Variants in CCDC88C observed in about 807,000 individuals in gnomAD.
The protein encoded by CCDC88C is coiled-coil and HOOK domain protein 88C.
In CCDC88C, 131 loss-of-function variants were observed where a neutral mutation model predicts 198.8. That is an observed-to-expected ratio of 0.66 (90% confidence interval 0.57 to 0.76). CCDC88C has a LOEUF of 0.76. Among genes scored for constraint, CCDC88C ranks in the 30% least tolerant of loss-of-function variants. The pLI is 0.00. For missense variants in CCDC88C, 2,553 were observed against 2,631.6 expected, an observed-to-expected ratio of 0.97 and a Z score of 0.65; for synonymous variants, 1,166 against 1,114.7, an observed-to-expected ratio of 1.05 and a Z score of -0.92.
intron 20 of CCDC88C, among the ~76,000 whole-genome samples, chr14:91,303,362 G>A (rs1315165910): frequency 7.6e-6 from 1 of 131,002 alleles, no homozygotes; most frequent in Non-Finnish European, 1.6e-5. Context: ...CGAGGCCCCC[G>A]CCTCTCGTCC....
At chr14:91,388,438 G>A (rs1221418914) in intron 3 of CCDC88C, among the ~76,000 whole-genome samples, 1 of 152,142 alleles carries the variant, frequency 6.6e-6, no homozygotes, top group African/African-American at 2.4e-5. Flanking sequence ...GGTGCTCAAG[G>A]CCCAGGCAGG....
rs773478886 is a variant in CCDC88C, at chr14:91,273,380, A to G, written c.5332T>C (p.Ser1778Pro). The G allele has an allele frequency of 2.6e-6, 4 of 1,533,164 alleles. No homozygotes were observed. The South Asian group carries it at 5.0e-5, about 19-fold the overall frequency. 95.0% of individuals were successfully genotyped at this position (1,533,164 alleles called of 1,614,324 possible). Reference protein sequence around the residue: ...PRQAQPPQSLSLGRPRQAPVP... With the variant: ...PRQAQPPQSLPLGRPRQAPVP... ...GGAGCCTGCCGGGGTCTGCCCAGAG[A>G]CAGGCTCTGGGGAGGCTGGGCCTGT... is the stretch of plus-strand genomic sequence containing the variant. Residue 1778 changes from serine (S) to proline (P), a missense_variant, in exon 30 of 30, where the codon TCT becomes CCT. By Grantham distance (74) the Ser-to-Pro change is moderately conservative. Transcript: ENST00000389857. The surrounding 1 kb of genome is among the most constrained non-coding windows in gnomAD (Gnocchi z 5.6).
At chr14:91,411,366 A>G (rs2140018120) in intron 2 of CCDC88C, among the ~76,000 whole-genome samples, 1 of 152,320 alleles carries the variant, frequency 6.6e-6, no homozygotes, top group South Asian at 2.1e-4. Flanking sequence ...CCGGCCTTCA[A>G]AGTCTATATG....
At position 91,314,072 on chromosome 14, in the gene CCDC88C, C is replaced by T; in HGVS notation, c.1744G>A (p.Glu582Lys). 6.2e-7 allele frequency: 1 copy of T among 1,613,896 alleles called. No homozygotes were observed. ...TTCTCCACGTCTTTCATGCGGGCCT[C>T]ACTGCTGACCTGCGACCTCTCCCGC... ...SLRERSQVSS[E>K]ARMKDVEKEN... The change falls in exon 15 of 30, where the codon GAG (glutamate) becomes AAG (lysine). Residue 582 changes from glutamate (E) to lysine (K), a missense_variant. Coordinates refer to ENST00000389857, the MANE Select transcript of CCDC88C (RefSeq NM_001080414.4).
At chr14:91,359,734 G>T (rs1290457755) in intron 3 of CCDC88C, 23 bp from the exon 4 acceptor site, 2 of 1,596,372 alleles carry the variant, frequency 1.3e-6, no homozygotes, top group Middle Eastern at 1.7e-4. Flanking sequence ...AGGGGGAAAA[G>T]ATACCATTAA....
Position 91,417,735 on chromosome 14 carries a change from C to G in CCDC88C, c.-45G>C. The G allele has an allele frequency of 1.4e-6, 2 of 1,446,324 alleles. No individual in the cohort carries two copies. The highest frequency in any genetic ancestry group is 1.5e-5 in the African/African-American group (1 of 67,650). 89.6% of individuals were successfully genotyped at this position (1,446,324 alleles called of 1,614,324 possible). The stretch of plus-strand genomic sequence containing the variant: ...GCTCCGCGCCCCCCGCCCCGCGTCC[C>G]CGTTCCCCCGCGCCGCGGCACAAAA... On this transcript the variant is annotated 5_prime_UTR_variant, in exon 1 of 30. Coordinates refer to ENST00000389857, the MANE Select transcript of CCDC88C (RefSeq NM_001080414.4).
At position 91,289,164 on chromosome 14, in the gene CCDC88C, G is replaced by C; in HGVS notation, c.4382C>G (p.Pro1461Arg). The C allele has an allele frequency of 3.7e-6, 6 of 1,613,810 alleles. No individual in the cohort carries two copies. Among genetic ancestry groups the C allele is most frequent in the Non-Finnish European group, 4.2e-6 (5 of 1,179,866 alleles). Reference protein sequence around the residue: ...LRSQAENPDTPALGSNCAEER... With the variant: ...LRSQAENPDTRALGSNCAEER... ...TTCTGCACAGTTGGAGCCCAGTGCGGGGGTGTCGGGGTTCTCGGCCTGTGA... is the reference window on the plus strand; with the variant it reads ...TTCTGCACAGTTGGAGCCCAGTGCGCGGGTGTCGGGGTTCTCGGCCTGTGA... The change falls in exon 25 of 30, where the codon CCC (proline) becomes CGC (arginine). Residue 1461 changes from proline to arginine, a missense_variant. Physicochemically the swap from Pro to Arg is moderately radical, Grantham distance 103. Coordinates refer to ENST00000389857, the MANE Select transcript of CCDC88C (RefSeq NM_001080414.4).
rs1277261718 is a variant in CCDC88C at position 91,352,432 on chromosome 14, T to G, written c.340+7210A>C. Among the ~76,000 whole-genome samples, 1 of 152,170 alleles carries G rather than the reference T, an allele frequency of 6.6e-6. No homozygotes were observed. The highest frequency in any genetic ancestry group is 1.9e-4 in the East Asian group (1 of 5,194). ...CCGCACGTGGACTGGAGCCCTCATT[T>G]CCGGATCCAACAAGCAGCACAGAAG... On this transcript the variant is annotated intron_variant, in intron 4 of 29. Coordinates refer to ENST00000389857, the MANE Select transcript of CCDC88C (RefSeq NM_001080414.4). This position sits in a 1 kb window ranked among gnomAD's most constrained non-coding sequence, Gnocchi z 4.2.
intron 23 of CCDC88C, among the ~76,000 whole-genome samples, chr14:91,291,456 G>A (rs1890655000): frequency 6.6e-6 from 1 of 152,194 alleles, no homozygotes; most frequent in Non-Finnish European, 1.5e-5. Flanking sequence ...AGTGGTGACG[G>A]GGCGGGGTTC....
rs1371247541 is a variant in CCDC88C at position 91,359,652 on chromosome 14, G to T, written c.330C>A (p.Asp110Glu). 6.2e-7 allele frequency: 1 copy of T among 1,607,328 alleles called. No homozygotes were observed. The highest frequency in any genetic ancestry group is 8.5e-7 in the Non-Finnish European group (1 of 1,176,984). The change falls in exon 4 of 30, where the codon GAC becomes GAA. Residue 110 changes from aspartate (D) to glutamate (E), a missense_variant. Around this residue, in one of 2 missense-constraint regions of CCDC88C, gnomAD observed 1,260 missense variants for 1,412.0 expected, o/e 0.89. Transcript: ENST00000389857. ...NLPNVLMIGR[D>E]PLSGKSMEEI... ...GCGGCTTTCACTCACCAGACAGTGG[G>T]TCTCTGCCAATCATCAAAACATTGG...
In CCDC88C at chr14:91,297,317, G is replaced by T; in HGVS notation, c.3954C>A (p.Asp1318Glu). ...GCGCTGGCCTCACCTCACAGTGGTT[G>T]TCCAGCTTGGTCAGCGAGATGTCCA... ...QTMDISLTKL[D>E]NHCELLSRLK... is the part of the protein sequence containing the mutation. Residue 1318 changes from aspartate (D) to glutamate (E), a missense_variant, in exon 22 of 30, where the codon GAC becomes GAA. Coordinates refer to ENST00000389857, the MANE Select transcript of CCDC88C (RefSeq NM_001080414.4). 1.2e-6 allele frequency: 2 copies of T among 1,613,216 alleles called. No homozygotes were observed. The highest frequency in any genetic ancestry group is 1.7e-6 in the Non-Finnish European group (2 of 1,179,594).
chr14:91,293,423 G>A (rs74189900), intron 23 of CCDC88C, among the ~76,000 whole-genome samples: 9,560 of 14,304 alleles, frequency 0.67, 2,698 homozygotes, highest in Middle Eastern at 0.88. Flanking sequence ...CACCTGCCAC[G>A]GCCCACCTTC....
chr14:91,397,527 G>A (rs1885924985), intron 3 of CCDC88C, among the ~76,000 whole-genome samples: 1 of 152,086 alleles, frequency 6.6e-6, no homozygotes. Flanking sequence ...CCTTGCCCTG[G>A]CTGAACTCCA....
chr14:91,367,603 G>GTAGA (rs1894601646), intron 3 of CCDC88C, among the ~76,000 whole-genome samples: 2 of 152,118 alleles, frequency 1.3e-5, no homozygotes, highest in South Asian at 4.1e-4. Flanking sequence ...TGGGAGGGAG[G>GTAGA]TAGACAGTGG....
chr14:91,404,639 G>A (rs970615859), intron 3 of CCDC88C, among the ~76,000 whole-genome samples: 6 of 152,200 alleles, frequency 3.9e-5, no homozygotes, highest in African/African-American at 1.4e-4. Flanking sequence ...TTGGAATGGT[G>A]AGACTCAAGA....
chr14:91,328,709 C>T (rs1477617410), intron 10 of CCDC88C, among the ~76,000 whole-genome samples: 2 of 152,178 alleles, frequency 1.3e-5, no homozygotes, highest in Admixed American at 1.3e-4. Flanking sequence ...ACACGATGGG[C>T]CTAAAGACAG....
At chr14:91,290,538 T>G (rs1215624940) in intron 24 of CCDC88C, among the ~76,000 whole-genome samples, 2 of 152,222 alleles carry the variant, frequency 1.3e-5, no homozygotes, top group Non-Finnish European at 2.9e-5. Flanking sequence ...GAAGCCACCC[T>G]GAGGTTCTGT....
intron 22 of CCDC88C, 65 bp downstream of exon 22, chr14:91,297,240 G>T: frequency 6.6e-7 from 1 of 1,523,496 alleles, no homozygotes. Context: ...GCTTGGCTGA[G>T]CCCTGGGCTG....
chr14:91,299,730 T>G (rs1438180449), intron 21 of CCDC88C, among the ~76,000 whole-genome samples, 197 bp downstream of exon 21: 5 of 152,202 alleles, frequency 3.3e-5, no homozygotes, highest in Non-Finnish European at 5.9e-5. Flanking sequence ...CATCCCCAGG[T>G]GTCACCTGAG....
Sources: gnomAD v4.1 joint callset for allele counts (sites outside exome capture counted in the v4.1 genomes callset) on GRCh38, gnomAD v4.1.1 for gene constraint, gnomAD v4.1.1 regional missense constraint, Gnocchi (gnomAD v3.1) non-coding constraint, MANE v1.5 for transcripts, NCBI Gene and HGNC (gene_info 2026-07-23, HGNC 2026-07-21) for gene names.